Variants in CLSTN2 observed in about 807,000 individuals in gnomAD.
CLSTN2 encodes calsyntenin 2.
CLSTN2 carries 48 observed loss-of-function variants against 101.2 expected under a neutral mutation model. That is an observed-to-expected ratio of 0.47 (90% CI 0.38 to 0.60). The LOEUF (loss-of-function observed/expected upper bound fraction) is 0.60, where lower values mean the gene tolerates loss of function less well. CLSTN2 is among the 20% of genes least tolerant of loss of function. CLSTN2 has a pLI of 0.00. For synonymous variants in CLSTN2, 481 were observed against 463.6 expected (o/e 1.04, Z -0.48); for missense variants, 1,160 against 1,238.2 (o/e 0.94, Z 0.95).
chr3:140,093,231 A>G (rs182858298), intron 1 of CLSTN2, among the ~76,000 whole-genome samples: 2 of 152,270 alleles, frequency 1.3e-5, no homozygotes, highest in East Asian at 3.9e-4. Flanking sequence ...ATTATTTCAC[A>G]GATATTAATT....
At chr3:140,514,895 A>G (rs2107770077) in intron 8 of CLSTN2, among the ~76,000 whole-genome samples, 1 of 152,268 alleles carries the variant, frequency 6.6e-6, no homozygotes, top group East Asian at 1.9e-4. Context: ...TCATAGAATG[A>G]TTTAGGGAGG....
At chr3:140,167,281 C>T (rs2107823399) in intron 1 of CLSTN2, among the ~76,000 whole-genome samples, 1 of 152,316 alleles carries the variant, frequency 6.6e-6, no homozygotes, top group South Asian at 2.1e-4. Flanking sequence ...ATATTAAATG[C>T]TTTTATCATT....
chr3:140,442,217 C>T (rs536964261), intron 5 of CLSTN2, among the ~76,000 whole-genome samples: 2 of 152,124 alleles, frequency 1.3e-5, no homozygotes, highest in Non-Finnish European at 2.9e-5. Flanking sequence ...TTCATATGCA[C>T]TCCAACCAAT....
chr3:140,532,248 T>C, intron 8 of CLSTN2, 76 bp from the exon 9 acceptor site: 1 of 1,277,004 alleles, frequency 7.8e-7, no homozygotes, highest in Non-Finnish European at 1.1e-6. Flanking sequence ...GTTGTTCTCC[T>C]TTCATAGAGT....
At chr3:140,062,600 T>A (rs1215186181) in intron 1 of CLSTN2, among the ~76,000 whole-genome samples, 1 of 152,204 alleles carries the variant, frequency 6.6e-6, no homozygotes, top group Non-Finnish European at 1.5e-5. Flanking sequence ...CATAGATAGC[T>A]TTTTATTTTC....
intron 2 of CLSTN2, among the ~76,000 whole-genome samples, chr3:140,322,369 T>C (rs1227876944): frequency 6.6e-6 from 1 of 152,218 alleles, no homozygotes; most frequent in Admixed American, 6.5e-5. Flanking sequence ...GGACTAGGGA[T>C]AGAAACACAA....
At chr3:140,266,033 C>T (rs1356859144) in intron 2 of CLSTN2, among the ~76,000 whole-genome samples, 2 of 152,164 alleles carry the variant, frequency 1.3e-5, no homozygotes, top group Non-Finnish European at 2.9e-5. Context: ...CGTGGGTGCC[C>T]TAACAAACCT....
intron 1 of CLSTN2, among the ~76,000 whole-genome samples, chr3:139,958,763 T>C (rs1030948370): frequency 2.0e-5 from 3 of 151,524 alleles, no homozygotes; most frequent in African/African-American, 7.3e-5. Context: ...TACCATCTGA[T>C]CCTGTCTCTG....
chr3:140,272,117 A>G (rs758746980), intron 2 of CLSTN2, among the ~76,000 whole-genome samples: 3 of 152,202 alleles, frequency 2.0e-5, no homozygotes, highest in Non-Finnish European at 4.4e-5. Flanking sequence ...AAGAAGCTGG[A>G]TAAAGGACAA....
chr3:140,045,774 T>C (rs1293329316), intron 1 of CLSTN2, among the ~76,000 whole-genome samples: 1 of 152,240 alleles, frequency 6.6e-6, no homozygotes, highest in Non-Finnish European at 1.5e-5. Flanking sequence ...TTTCGTTATG[T>C]ACCCAGTAGT....
intron 5 of CLSTN2, among the ~76,000 whole-genome samples, chr3:140,424,148 C>T (rs2088535924): frequency 6.6e-6 from 1 of 152,106 alleles, no homozygotes; most frequent in Non-Finnish European, 1.5e-5. Context: ...AATTTTTTCC[C>T]CCAGCTTACC....
At chr3:140,320,730 C>A (rs2087275696) in intron 2 of CLSTN2, among the ~76,000 whole-genome samples, 1 of 151,880 alleles carries the variant, frequency 6.6e-6, no homozygotes, top group Non-Finnish European at 1.5e-5. Flanking sequence ...GATACAGGAA[C>A]AAGTTCATTG....
At chr3:140,522,618 CA>C (rs1436863415) in intron 8 of CLSTN2, among the ~76,000 whole-genome samples, 2 of 152,220 alleles carry the variant, frequency 1.3e-5, no homozygotes, top group African/African-American at 4.8e-5. Flanking sequence ...CTTACTGTAG[CA>C]TGCTAGTCCG....
chr3:140,539,848 C>T lies in CLSTN2; in HGVS notation c.1508-6667C>T, dbSNP rs138080252. 2.6e-4 allele frequency among the ~76,000 whole-genome samples: 39 copies of T among 152,284 alleles called. No homozygotes were observed. The East Asian group carries it at 5.4e-3, about 21-fold the overall frequency. On this transcript the variant is annotated intron_variant, in intron 9 of 16. Coordinates refer to ENST00000458420, the MANE Select transcript of CLSTN2 (RefSeq NM_022131.3). ...TGCAGGTCTATGCCACCAAAGCCCT[C>T]GCCCCTATGTATACTGCTGGACCAC...
chr3:140,259,469 A>G (rs2086631856), intron 2 of CLSTN2, among the ~76,000 whole-genome samples: 1 of 152,092 alleles, frequency 6.6e-6, no homozygotes, highest in Non-Finnish European at 1.5e-5. Context: ...GTGAGACTCC[A>G]TCTCCAAAAA....
chr3:140,556,677 T>A lies in CLSTN2; in HGVS notation c.1823+16T>A, dbSNP rs759659142. 1.1e-5 allele frequency: 18 copies of A among 1,612,882 alleles called. No individual in the cohort carries two copies. The Admixed American group carries it at 3.0e-4, about 27-fold the overall frequency. On this transcript the variant is annotated intron_variant, in intron 11 of 16. Coordinates refer to ENST00000458420, the MANE Select transcript of CLSTN2 (RefSeq NM_022131.3). The stretch of plus-strand genomic sequence containing the variant: ...CCAAAGTCCAGTGAGTGGACGCTGG[T>A]CAGCCTGGGGCCAACTGAGGCAGCA...
At chr3:140,403,958 GT>G (rs2088274766) in intron 3 of CLSTN2, 134 bp downstream of exon 3, 1 of 697,876 alleles carries the variant, frequency 1.4e-6, no homozygotes, top group Non-Finnish European at 2.4e-6. Flanking sequence ...CTGCTTGGCA[GT>G]TTCCTGGTCC....
intron 1 of CLSTN2, among the ~76,000 whole-genome samples, chr3:140,122,223 C>A (rs2009354060): frequency 6.6e-6 from 1 of 152,170 alleles, no homozygotes; most frequent in Non-Finnish European, 1.5e-5. Flanking sequence ...CTTTTTGCAG[C>A]CAGAAGACAC....
chr3:140,084,629 A>C (rs921931377), intron 1 of CLSTN2, among the ~76,000 whole-genome samples: 4 of 152,162 alleles, frequency 2.6e-5, no homozygotes, highest in Non-Finnish European at 5.9e-5. Flanking sequence ...CAAGGAAACT[A>C]CCTGAGGGTT....
Sources: gnomAD v4.1 joint callset for allele counts (sites outside exome capture counted in the v4.1 genomes callset) on GRCh38, gnomAD v4.1.1 for gene constraint, MANE v1.5 for transcripts, NCBI Gene and HGNC (gene_info 2026-07-23, HGNC 2026-07-21) for gene names.